LRBA: variants seen among roughly 807,000 people sequenced by gnomAD.
LRBA encodes LPS responsive beige-like anchor protein.
In LRBA, 176 loss-of-function variants were observed where a neutral mutation model predicts 330.0. The ratio of observed to expected loss-of-function variants is 0.53; its 90% confidence interval spans 0.47 to 0.60. The LOEUF (loss-of-function observed/expected upper bound fraction) is 0.60. LRBA is among the 20% of genes least tolerant of loss of function. The pLI, the probability that LRBA is intolerant of heterozygous loss-of-function variation, is 0.00. For missense variants in LRBA, 3,259 were observed against 3,444.8 expected (o/e 0.95, Z 1.35); for synonymous variants, 1,230 against 1,193.0 (o/e 1.03, Z -0.64).
intron 36 of LRBA, among the ~76,000 whole-genome samples, chr4:150,696,770 C>T (rs923884380): frequency 1.3e-5 from 2 of 150,668 alleles, no homozygotes; most frequent in Non-Finnish European, 3.0e-5. Flanking sequence ...CTTTGGGAGG[C>T]GAGGCAGGCA....
intron 5 of LRBA, among the ~76,000 whole-genome samples, chr4:150,920,791 G>C (rs1285084261): frequency 1.3e-5 from 2 of 152,026 alleles, no homozygotes; most frequent in Non-Finnish European, 2.9e-5. Context: ...TGCGTAGTAA[G>C]TTTCAGAGCC....
intron 22 of LRBA, among the ~76,000 whole-genome samples, chr4:150,867,329 C>G (rs1027081116): frequency 6.6e-6 from 1 of 151,902 alleles, no homozygotes; most frequent in African/African-American, 2.4e-5. Flanking sequence ...AACAGGGCTT[C>G]CTCGAAAAAA....
intron 37 of LRBA, among the ~76,000 whole-genome samples, chr4:150,656,598 G>A (rs117825216): frequency 2.0e-5 from 3 of 152,172 alleles, no homozygotes; most frequent in African/African-American, 7.2e-5. Context: ...GAACAACACA[G>A]TCTACAAAAA....
intron 2 of LRBA, among the ~76,000 whole-genome samples, chr4:150,986,263 G>T: frequency 6.6e-6 from 1 of 152,144 alleles, no homozygotes; most frequent in Non-Finnish European, 1.5e-5. Context: ...ATGGTTTCAA[G>T]ATGAAACTGT....
chr4:150,281,415 G>A (rs1022856382), intron 55 of LRBA, among the ~76,000 whole-genome samples: 8 of 152,164 alleles, frequency 5.3e-5, no homozygotes, highest in African/African-American at 1.9e-4. Flanking sequence ...AATCCCAGGA[G>A]ACAGAGCAGC....
intron 56 of LRBA, among the ~76,000 whole-genome samples, chr4:150,272,164 C>T (rs982775676): frequency 2.0e-5 from 3 of 152,180 alleles, no homozygotes; most frequent in African/African-American, 7.2e-5. Context: ...GTAGCCTCCA[C>T]TGGTGATACC....
Position 150,523,270 on chromosome 4 carries a change from A to G in LRBA, c.6331-32235T>C, listed in dbSNP as rs77884854. The stretch of plus-strand genomic sequence containing the variant: ...TGTGGTGAAACTTAATCTCTATTGT[A>G]TTGGGCAGTGTGGTCTTTGGAGGTG... On this transcript the variant is annotated intron_variant, in intron 40 of 56. Transcript: ENST00000651943. Among the ~76,000 whole-genome samples, 20 of 152,244 alleles carry G rather than the reference A, an allele frequency of 1.3e-4. No homozygotes were observed. The East Asian group carries it at 3.9e-3, about 29-fold the overall frequency.
chr4:150,929,952 A>AT (rs1734290038), intron 2 of LRBA, among the ~76,000 whole-genome samples: 1 of 152,096 alleles, frequency 6.6e-6, no homozygotes, highest in Non-Finnish European at 1.5e-5. Flanking sequence ...ATACTTCTTG[A>AT]TTTTTCATTA....
intron 34 of LRBA, among the ~76,000 whole-genome samples, chr4:150,774,811 G>A (rs1174710307): frequency 6.6e-6 from 1 of 152,062 alleles, no homozygotes; most frequent in Non-Finnish European, 1.5e-5. Flanking sequence ...GCTCAACTTG[G>A]GAAATTGATT....
At chr4:150,720,622 T>C (rs1350295669) in intron 36 of LRBA, among the ~76,000 whole-genome samples, 1 of 152,136 alleles carries the variant, frequency 6.6e-6, no homozygotes, top group African/African-American at 2.4e-5. Context: ...ATCTAACATA[T>C]TATTAAGTGT....
intron 40 of LRBA, among the ~76,000 whole-genome samples, chr4:150,542,579 C>T (rs1765426381): frequency 1.3e-5 from 2 of 152,022 alleles, no homozygotes; most frequent in African/African-American, 4.8e-5. Context: ...CATGATTTTA[C>T]CACCTTTTTA....
intron 47 of LRBA, among the ~76,000 whole-genome samples, chr4:150,367,575 TAGCAC>T (rs1446424577): frequency 5.3e-5 from 8 of 152,336 alleles, no homozygotes; most frequent in Admixed American, 4.6e-4. Context: ...ACAGCGTAAG[TAGCAC>T]ATGTAACTTA....
At chr4:150,969,073 G>A (rs375169778) in intron 2 of LRBA, among the ~76,000 whole-genome samples, 24 of 151,994 alleles carry the variant, frequency 1.6e-4, no homozygotes, top group African/African-American at 4.1e-4. Context: ...CTCACTGCTC[G>A]GAAAAAAAGA....
intron 2 of LRBA, among the ~76,000 whole-genome samples, chr4:150,975,474 C>T (rs546396703): frequency 6.0e-5 from 9 of 150,946 alleles, no homozygotes; most frequent in Admixed American, 5.9e-4. Context: ...TGCAGTGAGC[C>T]CAGATCGCAC....
chr4:150,722,561 T>A (rs745462902), intron 36 of LRBA, among the ~76,000 whole-genome samples: 4 of 151,908 alleles, frequency 2.6e-5, no homozygotes, highest in Non-Finnish European at 4.4e-5. Flanking sequence ...AAAAGGAACA[T>A]ACAAGTGACT....
intron 42 of LRBA, among the ~76,000 whole-genome samples, chr4:150,482,120 G>A (rs892332942): frequency 2.0e-5 from 3 of 152,030 alleles, no homozygotes; most frequent in African/African-American, 7.2e-5. Flanking sequence ...AGAGGCTTAT[G>A]TAAGAACAAT....
intron 47 of LRBA, among the ~76,000 whole-genome samples, chr4:150,413,986 A>C (rs1476776583): frequency 6.6e-6 from 1 of 152,114 alleles, no homozygotes; most frequent in African/African-American, 2.4e-5. Context: ...CTTTGTGAGA[A>C]TCTTTAAAAA....
At chr4:150,413,133 A>T (rs185647479) in intron 47 of LRBA, among the ~76,000 whole-genome samples, 3 of 152,116 alleles carry the variant, frequency 2.0e-5, no homozygotes, top group Admixed American at 2.0e-4. Flanking sequence ...CATTTTCATC[A>T]TTAGGATAAT....
intron 30 of LRBA, among the ~76,000 whole-genome samples, chr4:150,820,520 A>G (rs1200606354): frequency 6.6e-6 from 1 of 152,058 alleles, no homozygotes; most frequent in Non-Finnish European, 1.5e-5. Flanking sequence ...ACATCTGCTC[A>G]TAAATTTTTA....
Sources: gnomAD v4.1 joint callset for allele counts (sites outside exome capture counted in the v4.1 genomes callset) on GRCh38, gnomAD v4.1.1 for gene constraint, MANE v1.5 for transcripts, NCBI Gene and HGNC (gene_info 2026-07-23, HGNC 2026-07-21) for gene names.